Variants in ACOXL observed in about 807,000 individuals in gnomAD.
ACOXL encodes the protein acyl-CoA oxidase like.
A neutral mutation model predicts 71.9 loss-of-function variants in ACOXL; 70 were observed. The observed-to-expected ratio is 0.97, with a 90% CI of 0.80 to 1.19. The LOEUF (loss-of-function observed/expected upper bound fraction) is 1.19. ACOXL is among the 50% of genes most tolerant of loss of function. The probability of loss-of-function intolerance (pLI) is 0.00; values close to 1 mark genes in which losing one functional copy is unlikely to be tolerated. For synonymous variants in ACOXL, 253 were observed against 281.6 expected, an observed-to-expected ratio of 0.90 and a Z score of 1.02; for missense variants, 703 against 736.3, an observed-to-expected ratio of 0.95 and a Z score of 0.52.
At chr2:110,889,283 A>G (rs988840442) in intron 10 of ACOXL, among the ~76,000 whole-genome samples, 6 of 151,330 alleles carry the variant, frequency 4.0e-5, no homozygotes, top group Non-Finnish European at 7.4e-5. Flanking sequence ...TCAAGAGCCC[A>G]TGGTGAAGTA....
chr2:110,983,935 C>T (rs973350749), intron 12 of ACOXL, among the ~76,000 whole-genome samples: 1 of 152,084 alleles, frequency 6.6e-6, no homozygotes, highest in African/African-American at 2.4e-5. Context: ...CTGCAACCTC[C>T]GTCTCCCGGG....
chr2:110,783,929 G>A (rs974522253), intron 2 of ACOXL, among the ~76,000 whole-genome samples: 1 of 152,334 alleles, frequency 6.6e-6, no homozygotes, highest in African/African-American at 2.4e-5. Flanking sequence ...TGCCTCATTT[G>A]TCACTGGTGG....
chr2:110,909,047 A>G (rs1344573295), intron 11 of ACOXL, 142 bp downstream of exon 11: 4 of 609,872 alleles, frequency 6.6e-6, no homozygotes, highest in Non-Finnish European at 1.1e-5. Flanking sequence ...TGCCCAGGTT[A>G]AAAGCATCCT....
At chr2:110,850,202 A>G (rs1326751030) in intron 10 of ACOXL, among the ~76,000 whole-genome samples, 1 of 152,262 alleles carries the variant, frequency 6.6e-6, no homozygotes, top group Non-Finnish European at 1.5e-5. Flanking sequence ...CTTGGCTTAG[A>G]GAAAACTTTC....
intron 14 of ACOXL, among the ~76,000 whole-genome samples, chr2:111,009,118 A>G (rs182836934): frequency 6.6e-6 from 1 of 152,078 alleles, no homozygotes; most frequent in Admixed American, 6.5e-5. Context: ...CTATTTTTTT[A>G]TTGCATCTGG....
intron 10 of ACOXL, among the ~76,000 whole-genome samples, chr2:110,892,218 G>GC (rs2149151944): frequency 6.6e-6 from 1 of 152,276 alleles, no homozygotes; most frequent in African/African-American, 2.4e-5. Context: ...AGATGATGGT[G>GC]CTGACCTTTG....
chr2:111,003,093 T>C (rs953180534), intron 14 of ACOXL, among the ~76,000 whole-genome samples: 6 of 152,238 alleles, frequency 3.9e-5, no homozygotes, highest in African/African-American at 1.4e-4. Context: ...AAATATTTTC[T>C]GCTTATAGTT....
At chr2:110,969,698 C>T (rs1256071333) in intron 12 of ACOXL, among the ~76,000 whole-genome samples, 2 of 151,960 alleles carry the variant, frequency 1.3e-5, no homozygotes, top group Non-Finnish European at 1.5e-5. Flanking sequence ...GTAATCCCAG[C>T]TTCTCGGGAA....
At chr2:111,096,331 G>A (rs893597476) in intron 17 of ACOXL, among the ~76,000 whole-genome samples, 4 of 151,514 alleles carry the variant, frequency 2.6e-5, no homozygotes, top group Non-Finnish European at 5.9e-5. Context: ...CTGCCTCCCG[G>A]GTCCCCATTC....
intron 12 of ACOXL, 137 bp downstream of exon 12, chr2:110,933,779 A>C (rs972850966): frequency 9.1e-7 from 1 of 1,103,718 alleles, no homozygotes; most frequent in Non-Finnish European, 1.2e-6. Flanking sequence ...TTCCTTCCTT[A>C]CCAGCCTCAT....
intron 2 of ACOXL, among the ~76,000 whole-genome samples, chr2:110,771,554 G>T (rs1482584160): frequency 6.6e-6 from 1 of 152,206 alleles, no homozygotes; most frequent in Non-Finnish European, 1.5e-5. Flanking sequence ...CGCAGGCCAA[G>T]AATAAACCAT....
chr2:111,103,597 A>C (rs1289057374), intron 17 of ACOXL, among the ~76,000 whole-genome samples: 1 of 152,228 alleles, frequency 6.6e-6, no homozygotes, highest in Non-Finnish European at 1.5e-5. Context: ...CAGGTGTCCT[A>C]TTAATCTGCA....
intron 16 of ACOXL, among the ~76,000 whole-genome samples, chr2:111,049,526 ACT>A (rs1277560793): frequency 6.6e-6 from 1 of 151,898 alleles, no homozygotes; most frequent in Non-Finnish European, 1.5e-5. Flanking sequence ...AATCTGTTTA[ACT>A]CTCCAGAGGG....
intron 3 of ACOXL, among the ~76,000 whole-genome samples, chr2:110,789,964 A>G (rs1684451546): frequency 6.6e-6 from 1 of 152,212 alleles, no homozygotes; most frequent in African/African-American, 2.4e-5. Flanking sequence ...CACACTCAGA[A>G]CAACAGAGTT....
chr2:110,828,959 G>GCC (rs1689495650), intron 9 of ACOXL, among the ~76,000 whole-genome samples: 1 of 152,052 alleles, frequency 6.6e-6, no homozygotes, highest in Admixed American at 6.5e-5. Context: ...TTACAGGCAT[G>GCC]CACCACCACG....
At chr2:110,996,892 C>T (rs1044894288) in intron 14 of ACOXL, among the ~76,000 whole-genome samples, 29 of 152,174 alleles carry the variant, frequency 1.9e-4, no homozygotes, top group Admixed American at 1.8e-3. Flanking sequence ...GATCCACCCT[C>T]GTGGAACAAA....
rs552877795 is a variant in ACOXL, at chr2:111,048,415, G to A, written c.1370-803G>A. 2.6e-5 allele frequency among the ~76,000 whole-genome samples: 4 copies of A among 152,316 alleles called. No individual in the cohort carries two copies. The East Asian group carries it at 7.7e-4, about 29-fold the overall frequency. On this transcript the variant is annotated intron_variant, in intron 15 of 17. Transcript: ENST00000439055. ...AAGCCTTAATGCGTGTCAAATAAGTGGTTTTAAATCTGAGGGTGGCAGAGA... is the reference window on the plus strand; with the variant it reads ...AAGCCTTAATGCGTGTCAAATAAGTAGTTTTAAATCTGAGGGTGGCAGAGA...
intron 14 of ACOXL, among the ~76,000 whole-genome samples, chr2:111,006,653 G>A (rs2063889115): frequency 6.6e-6 from 1 of 151,902 alleles, no homozygotes; most frequent in African/African-American, 2.4e-5. Flanking sequence ...TCACCTCCTG[G>A]GTACAAGCTA....
intron 15 of ACOXL, among the ~76,000 whole-genome samples, chr2:111,035,620 T>G (rs1019400266): frequency 6.6e-6 from 1 of 152,264 alleles, no homozygotes; most frequent in Non-Finnish European, 1.5e-5. Context: ...ATAAAGTGAC[T>G]AATAATTTAG....
Sources: allele counts gnomAD v4.1 joint callset (sites outside exome capture counted in the v4.1 genomes callset), GRCh38; gene constraint gnomAD v4.1.1; transcripts MANE v1.5; gene names NCBI Gene and HGNC (gene_info 2026-07-23, HGNC 2026-07-21).